The following H2BC18 variants were observed in gnomAD, a reference collection of about 807,000 sequenced individuals.
H2BC18 encodes H2B clustered histone 18.
In H2BC18, 8 loss-of-function variants were observed where a neutral mutation model predicts 6.3. The observed-to-expected ratio is 1.28, with a 90% CI of 0.75 to 2.31. H2BC18 has a LOEUF of 2.31. Ranked by LOEUF, H2BC18 falls within the 30% of genes most tolerant of loss-of-function variation. H2BC18 has a pLI of 0.00. For missense variants in H2BC18, 106 were observed against 174.5 expected (o/e 0.61, Z 2.21); for synonymous variants, 104 against 78.1 (o/e 1.33, Z -1.75).
At chr1:149,793,252 G>A in intron 1 of H2BC18, 6 of 1,251,194 alleles carry the variant, frequency 4.8e-6, no homozygotes, top group Non-Finnish European at 6.2e-6. Flanking sequence ...GCGGCGGCAG[G>A]GAGGGAGCGG....
At chr1:149,791,277 C>T (rs781858318) in intron 1 of H2BC18, 5 of 1,604,372 alleles carry the variant, frequency 3.1e-6, no homozygotes, top group African/African-American at 2.7e-5. Flanking sequence ...ATGTCCTTTT[C>T]TATCTGGCAG....
At chr1:149,787,480 A>G (rs1553750954) in intron 1 of H2BC18, 1 of 152,332 alleles carries the variant, frequency 6.6e-6, no homozygotes, top group African/African-American at 2.4e-5. Flanking sequence ...GAGTATTCAT[A>G]TCAATGTAGT....
At chr1:149,811,613 C>G (rs3005610), downstream of H2BC18, 10 of 386,166 alleles carry the variant, frequency 2.6e-5, no homozygotes, top group African/African-American at 1.6e-4. Flanking sequence ...GGTTAAAGGC[C>G]GAAGGGGTGT....
At chr1:149,806,263 C>T (rs2091915760) in intron 1 of H2BC18, among the ~76,000 whole-genome samples, 1 of 152,120 alleles carries the variant, frequency 6.6e-6, no homozygotes, top group Admixed American at 6.5e-5. Context: ...CAAATAAATA[C>T]ATTAGTATTC....
At chr1:149,810,358 G>GACTA, downstream of H2BC18, 1 of 151,670 alleles carries the variant, frequency 6.6e-6, no homozygotes, top group Non-Finnish European at 1.5e-5. Context: ...AGAAAAAGAT[G>GACTA]ACTAAACTGG....
rs782120618 is a variant in H2BC18, at chr1:149,784,086, C to G, written c.378-826G>C. The G allele has an allele frequency of 3.7e-6, 6 of 1,611,400 alleles. No individual in the cohort carries two copies. In the South Asian group the frequency reaches 6.6e-5, roughly 18 times the overall value. On this transcript the variant is annotated intron_variant, in intron 1 of 1. Transcript: ENST00000545683. ...AACCGTAACCTTGCACTGTGAGGTGCTCCATCTGCCTGGGAGCAGCTCTAC... is the reference window on the plus strand; with the variant it reads ...AACCGTAACCTTGCACTGTGAGGTGGTCCATCTGCCTGGGAGCAGCTCTAC...
Position 149,812,111 on chromosome 1 carries a change from G to A in H2BC18, c.213C>T (p.Phe71=), listed in dbSNP as rs1553754571. The change falls in exon 1 of 1, where the codon TTC becomes TTT. Residue 71 remains phenylalanine (F), a synonymous_variant. Coordinates refer to ENST00000369167, the MANE Select transcript of H2BC18 (RefSeq NM_001024599.5). The stretch of plus-strand genomic sequence containing the variant: ...GGGACGCCTCTCCCGCGATGCGCTC[G>A]AAGATGTCGTTGACGAAGGAGTTCA... ...GIMNSFVNDI[F]ERIAGEASRL... is the part of the protein sequence containing the mutation. 3 of 1,614,278 alleles carry A rather than the reference G, an allele frequency of 1.9e-6. No homozygotes were observed. Among genetic ancestry groups the A allele is most frequent in the Admixed American group, 1.7e-5 (1 of 60,036 alleles).
At chr1:149,790,155 C>T in intron 1 of H2BC18, 1 of 1,613,968 alleles carries the variant, frequency 6.2e-7, no homozygotes, top group Non-Finnish European at 8.5e-7. Context: ...CTTGCAGAGG[C>T]CTGGTTTGCA....
downstream of H2BC18, among the ~76,000 whole-genome samples, chr1:149,807,518 G>C (rs587750118): frequency 1.8e-3 from 104 of 59,228 alleles, no homozygotes; most frequent in South Asian, 7.9e-3. Flanking sequence ...TGGCGGGGGG[G>C]GGGGGGGGCG....
At chr1:149,796,303 G>A (rs1390800955) in intron 1 of H2BC18, among the ~76,000 whole-genome samples, 6 of 152,196 alleles carry the variant, frequency 3.9e-5, no homozygotes, top group Non-Finnish European at 7.3e-5. Context: ...GGAGTTAATG[G>A]AGAAAGAAAA....
chr1:149,802,792 A>C (rs1365898609), intron 1 of H2BC18, among the ~76,000 whole-genome samples: 3 of 152,204 alleles, frequency 2.0e-5, no homozygotes, highest in Non-Finnish European at 4.4e-5. Context: ...CAAAGGCCAA[A>C]GAACCTGGAG....
intron 1 of H2BC18, among the ~76,000 whole-genome samples, chr1:149,789,380 G>A (rs138067629): frequency 0.055 from 8,043 of 146,874 alleles, 302 homozygotes; most frequent in Non-Finnish European, 0.081. Context: ...GCAACAGAGC[G>A]AGACTACGTC....
Position 149,787,708 on chromosome 1 carries a change from AG to A in H2BC18, c.378-4449del, listed in dbSNP as rs1308200961. The A allele has an allele frequency of 2.7e-3, 419 of 154,978 alleles. 1 individual carries two copies. The highest frequency in any genetic ancestry group is 8.9e-3 in the African/African-American group (365 of 41,088). 9.6% of individuals were successfully genotyped at this position (154,978 alleles called of 1,614,324 possible). A position where few individuals can be genotyped will look rare whatever the true frequency, so the allele number is the denominator to read the frequency against. On this transcript the variant is annotated intron_variant, in intron 1 of 1. Coordinates refer to the H2BC18 transcript ENST00000545683. ...CTGAGAGTCTTCCAAGGCTGCAGTTAGGGTGTTGACTTTGCTGTGTTTCTTT... is the reference window on the plus strand; with the variant it reads ...CTGAGAGTCTTCCAAGGCTGCAGTTAGGTGTTGACTTTGCTGTGTTTCTTT...
chr1:149,793,180 C>G lies in H2BC18; in HGVS notation c.378-9920G>C, dbSNP rs1255628896. The G allele has an allele frequency of 2.1e-4, 273 of 1,278,502 alleles. 1 individual carries two copies. In the African/African-American group the frequency reaches 3.9e-3, roughly 18 times the overall value. The allele number at this position is 1,278,502 out of a possible 1,614,324, so 79.2% of individuals were successfully genotyped here. ...TGGTAGATCACAGGAAACGGGAGGA[C>G]GGCGCTGGGCTCCCAGCAGGCGCCC... On this transcript the variant is annotated intron_variant, in intron 1 of 1. Coordinates refer to the H2BC18 transcript ENST00000545683.
At chr1:149,793,498 G>A (rs1407109147) in intron 1 of H2BC18, among the ~76,000 whole-genome samples, 2 of 152,180 alleles carry the variant, frequency 1.3e-5, no homozygotes, top group African/African-American at 4.8e-5. Flanking sequence ...GACTGACAAT[G>A]AGGCCCTGGA....
chr1:149,792,636 T>C, intron 1 of H2BC18: 1 of 1,267,324 alleles, frequency 7.9e-7, no homozygotes, highest in Non-Finnish European at 1.0e-6. Context: ...CATGTGCATA[T>C]TGCAGCCTCC....
At chr1:149,791,861 AACAG>A (rs1290003752) in intron 1 of H2BC18, 18 of 282,886 alleles carry the variant, frequency 6.4e-5, no homozygotes, top group African/African-American at 2.7e-4. Flanking sequence ...AAGACAGAGA[AACAG>A]ACAGAAAGAG....
rs782399861 is a variant in H2BC18, at chr1:149,812,264, C to T, written c.60G>A (p.Thr20=). The part of the protein sequence containing the change: ...APKKGSKKAV[T]KVQKKDGKKR... The stretch of plus-strand genomic sequence containing the variant: ...TCTTGCCGTCCTTCTTCTGCACTTT[C>T]GTAACAGCCTTTTTGGAGCCCTTCT... The change falls in exon 1 of 1, where the codon ACG becomes ACA. Residue 20 remains threonine, a synonymous_variant. Coordinates refer to ENST00000369167, the MANE Select transcript of H2BC18 (RefSeq NM_001024599.5). The T allele has an allele frequency of 2.8e-5, 46 of 1,614,120 alleles. No homozygotes were observed. The Middle Eastern group carries it at 8.2e-4, about 29-fold the overall frequency.
intron 1 of H2BC18, among the ~76,000 whole-genome samples, chr1:149,801,742 G>A (rs1423472518): frequency 2.6e-5 from 4 of 151,028 alleles, no homozygotes; most frequent in African/African-American, 9.8e-5. Context: ...GTGCTGTAAG[G>A]GGCCACATTT....
Sources: allele counts gnomAD v4.1 joint callset (sites outside exome capture counted in the v4.1 genomes callset), GRCh38; gene constraint gnomAD v4.1.1; transcripts MANE v1.5; gene names NCBI Gene and HGNC (gene_info 2026-07-23, HGNC 2026-07-21).